The following UTRN variants were observed in gnomAD, a reference collection of about 807,000 sequenced individuals.
UTRN encodes the protein dystrophin-related protein 1.
UTRN carries 283 observed loss-of-function variants against 463.9 expected under a neutral mutation model. The ratio of observed to expected loss-of-function variants is 0.61; its 90% CI spans 0.55 to 0.67. The LOEUF is 0.67. UTRN is among the 30% of genes least tolerant of loss of function. The pLI, the probability that UTRN is intolerant of heterozygous loss-of-function variation, is 0.00. For synonymous variants in UTRN, 1,442 were observed against 1,431.5 expected, an observed-to-expected ratio of 1.01 and a Z score of -0.17; for missense variants, 3,922 against 4,084.3, an observed-to-expected ratio of 0.96 and a Z score of 1.08.
intron 58 of UTRN, among the ~76,000 whole-genome samples, chr6:144,768,631 G>A (rs565049510): frequency 2.6e-5 from 4 of 152,314 alleles, no homozygotes; most frequent in Admixed American, 2.0e-4. Flanking sequence ...ACCTCTGGAT[G>A]CAAAGCTGAC....
rs1053373442 is a variant in UTRN at position 144,348,682 on chromosome 6, C to T, written c.80-54441C>T. ...CGGTGCGGTGGCTCATGCCTGTAAT[C>T]CCAGCACTTTGGGAGGCCGAGGCGG... On this transcript the variant is annotated intron_variant, in intron 2 of 74. Transcript: ENST00000367545. Among the ~76,000 whole-genome samples, 9 of 152,254 alleles carry T rather than the reference C, an allele frequency of 5.9e-5. No individual in the cohort carries two copies. The South Asian group carries it at 1.9e-3, about 32-fold the overall frequency.
Position 144,851,325 on chromosome 6 carries a change from C to G in UTRN, c.*328C>G. On this transcript the variant is annotated 3_prime_UTR_variant, in exon 75 of 75. Coordinates refer to ENST00000367545, the MANE Select transcript of UTRN (RefSeq NM_007124.3). ...CATTGGGAAAGTGGGTGGGGGCTTT[C>G]TAATATGATACCGTCTTTTTAATAA... 1 of 285,362 alleles carries G rather than the reference C, an allele frequency of 3.5e-6. No individual in the cohort carries two copies. Among genetic ancestry groups the G allele is most frequent in the East Asian group, 6.2e-5 (1 of 16,096 alleles). The allele number at this position is 285,362 out of a possible 1,614,324, so 17.7% of individuals were successfully genotyped here.
chr6:144,789,502 A>T (rs1042562659), intron 62 of UTRN, among the ~76,000 whole-genome samples: 4 of 152,194 alleles, frequency 2.6e-5, no homozygotes, highest in African/African-American at 9.6e-5. Context: ...AGGTGCCAGG[A>T]TGGAGTGAGA....
rs1788657058 is a variant in UTRN, at chr6:144,732,239, C to CATACATAT, written c.7939+1756_7939+1757insCATATATA. 3.4e-5 allele frequency among the ~76,000 whole-genome samples: 4 copies of CATACATAT among 116,056 alleles called. No individual in the cohort carries two copies. The South Asian group carries it at 1.3e-3, about 37-fold the overall frequency. The allele number at this position is 116,056 out of a possible 152,430, so 76.1% of individuals were successfully genotyped here. On this transcript the variant is annotated intron_variant, in intron 54 of 74. Coordinates refer to ENST00000367545, the MANE Select transcript of UTRN (RefSeq NM_007124.3). ...TTATATATATATATATATATATATA[C>CATACATAT]ATATATATATATATATATACACACA...
chr6:144,491,162 T>C, intron 32 of UTRN, 60 bp downstream of exon 32: 1 of 1,519,632 alleles, frequency 6.6e-7, no homozygotes, highest in Non-Finnish European at 8.8e-7. Context: ...TATGGCTTGG[T>C]CTAGCAAGTA....
intron 2 of UTRN, chr6:144,333,127 G>A (rs1274766771): frequency 6.6e-6 from 1 of 152,038 alleles, no homozygotes; most frequent in Non-Finnish European, 1.5e-5. Context: ...TTTTAGTAGA[G>A]ATGGGGTTTT....
chr6:144,626,670 G>A (rs9390181), intron 51 of UTRN, among the ~76,000 whole-genome samples: 30,484 of 151,942 alleles, frequency 0.2, 3,238 homozygotes, highest in Middle Eastern at 0.29. Context: ...ACGGAGTCTC[G>A]CTCTGTCGCC....
At chr6:144,305,024 T>C (rs9496923) in intron 2 of UTRN, among the ~76,000 whole-genome samples, 6,923 of 151,938 alleles carry the variant, frequency 0.046, 504 homozygotes, top group African/African-American at 0.15. Flanking sequence ...CTCCCCTTCC[T>C]GGGTTCAAAC....
At chr6:144,833,816 C>T (rs1248290978) in intron 69 of UTRN, among the ~76,000 whole-genome samples, 1 of 152,152 alleles carries the variant, frequency 6.6e-6, no homozygotes, top group Non-Finnish European at 1.5e-5. Context: ...GCTTCTGCCC[C>T]GGATAACACA....
intron 69 of UTRN, among the ~76,000 whole-genome samples, chr6:144,830,207 T>C (rs1171638945): frequency 1.3e-5 from 2 of 152,304 alleles, no homozygotes; most frequent in Middle Eastern, 3.4e-3. Context: ...GAATAAATAC[T>C]ATTTTCAGAT....
chr6:144,371,926 A>G (rs1339647120), intron 2 of UTRN, among the ~76,000 whole-genome samples: 2 of 152,172 alleles, frequency 1.3e-5, no homozygotes, highest in African/African-American at 2.4e-5. Flanking sequence ...ACTATTTACA[A>G]TGTTTGCATC....
Position 144,851,263 on chromosome 6 carries a change from G to A in UTRN, c.*266G>A. The A allele has an allele frequency of 1.9e-6, 1 of 517,986 alleles. No homozygotes were observed. Among genetic ancestry groups the A allele is most frequent in the Non-Finnish European group, 3.5e-6 (1 of 289,782 alleles). 32.1% of individuals were successfully genotyped at this position (517,986 alleles called of 1,614,324 possible). A position where few individuals can be genotyped will look rare whatever the true frequency, so the allele number is the denominator to read the frequency against. The stretch of plus-strand genomic sequence containing the variant: ...ATGAACAGAGAGGTATTTGGAAATG[G>A]TAATACATTTGTCACGGATTTGTAT... On this transcript the variant is annotated 3_prime_UTR_variant, in exon 75 of 75. Coordinates refer to ENST00000367545, the MANE Select transcript of UTRN (RefSeq NM_007124.3).
chr6:144,567,586 A>G (rs12194050), intron 50 of UTRN, among the ~76,000 whole-genome samples: 733 of 152,288 alleles, frequency 4.8e-3, no homozygotes, highest in Middle Eastern at 0.024. Flanking sequence ...TCCCCACAGC[A>G]TGCTTTAATG....
intron 61 of UTRN, among the ~76,000 whole-genome samples, chr6:144,782,931 C>T (rs1775972881): frequency 6.6e-6 from 1 of 152,068 alleles, no homozygotes; most frequent in Non-Finnish European, 1.5e-5. Flanking sequence ...CACGGTGGCT[C>T]CCGCCTGTAA....
chr6:144,596,726 TG>T (rs201261305), intron 51 of UTRN, among the ~76,000 whole-genome samples: 2,429 of 152,284 alleles, frequency 0.016, 27 homozygotes, highest in Non-Finnish European at 0.022. Context: ...TGTCAGTATA[TG>T]GGTATTTATT....
intron 9 of UTRN, among the ~76,000 whole-genome samples, chr6:144,433,444 G>A (rs1437044095): frequency 6.6e-6 from 1 of 151,874 alleles, no homozygotes; most frequent in African/African-American, 2.4e-5. Context: ...CTGCCGGGCG[G>A]AGGGGCTCCT....
chr6:144,718,871 G>A (rs903757448), intron 53 of UTRN, among the ~76,000 whole-genome samples: 1 of 152,212 alleles, frequency 6.6e-6, no homozygotes, highest in Non-Finnish European at 1.5e-5. Context: ...TCCCCGTGAG[G>A]GAAGGCTGCA....
intron 51 of UTRN, among the ~76,000 whole-genome samples, chr6:144,649,411 TA>T (rs1264290251): frequency 2.0e-5 from 3 of 152,204 alleles, no homozygotes; most frequent in Non-Finnish European, 2.9e-5. Flanking sequence ...TTAAATGAAT[TA>T]AAATCAAAAT....
At chr6:144,739,341 G>C (rs1004581671) in intron 54 of UTRN, among the ~76,000 whole-genome samples, 1 of 152,168 alleles carries the variant, frequency 6.6e-6, no homozygotes, top group African/African-American at 2.4e-5. Context: ...GTTATTAAAT[G>C]AGTGAAGATT....
Sources: allele counts gnomAD v4.1 joint callset (sites outside exome capture counted in the v4.1 genomes callset), GRCh38; gene constraint gnomAD v4.1.1; transcripts MANE v1.5; gene names NCBI Gene and HGNC (gene_info 2026-07-23, HGNC 2026-07-21).